Variants in RO60 observed in about 807,000 individuals in gnomAD.
RO60 encodes the protein Ro60, Y RNA binding protein, also known as RNA-binding protein RO60.
RO60 carries 20 observed loss-of-function variants against 55.3 expected under a neutral mutation model. The ratio of observed to expected loss-of-function variants is 0.36; its 90% CI spans 0.25 to 0.53. The LOEUF (loss-of-function observed/expected upper bound fraction) is 0.53. Ranked by LOEUF, RO60 falls within the 20% of genes least tolerant of loss-of-function variation. The pLI is 0.92. For synonymous variants in RO60, 213 were observed against 213.6 expected (o/e 1.00, Z 0.02); for missense variants, 558 against 646.6 (o/e 0.86, Z 1.49).
At chr1:193,071,524 TTACAAAAATAC>T (rs1266351835) in intron 2 of RO60, among the ~76,000 whole-genome samples, 3 of 152,106 alleles carry the variant, frequency 2.0e-5, no homozygotes, top group African/African-American at 7.2e-5. Context: ...TTTTATACTG[TTACAAAAATAC>T]TACAATGAAA....
chr1:193,081,424 CAA>C lies in RO60; in HGVS notation c.1149_1150del (p.Arg384SerfsTer4). On this transcript the variant is annotated frameshift_variant, in exon 6 of 9. Transcript: ENST00000400968. LOFTEE classifies it high-confidence loss of function. ...LAVDVSASMN[Q>X]RVLGSILNAS... ...TGTTGATGTCAGTGCTTCTATGAAC[CAA>C]AGAGTTTTGGGTAGTATACTCAACG... The C allele has an allele frequency of 6.2e-7, 1 of 1,610,820 alleles. No homozygotes were observed. The highest frequency in any genetic ancestry group is 8.5e-7 in the Non-Finnish European group (1 of 1,178,040).
In RO60 at chr1:193,059,632, C is replaced by A. The variant is rs1432451785; in HGVS notation, c.-166C>A. The A allele has an allele frequency of 2.1e-6, 3 of 1,401,426 alleles. No individual in the cohort carries two copies. In the South Asian group the frequency reaches 3.4e-5, roughly 16 times the overall value. 86.8% of individuals were successfully genotyped at this position (1,401,426 alleles called of 1,614,324 possible). A position where few individuals can be genotyped will look rare whatever the true frequency, so the allele number is the denominator to read the frequency against. On this transcript the variant is annotated 5_prime_UTR_variant, in exon 1 of 9. Transcript: ENST00000400968. The surrounding 1 kb of genome is among the most constrained non-coding windows in gnomAD (Gnocchi z 4.9). Reference sequence around the variant, plus strand: ...GCAGGACTCGTTCCCGGGAACCGAACCTGGAATCCCCGGCGGCAGTGGGGC... The same window carrying A: ...GCAGGACTCGTTCCCGGGAACCGAAACTGGAATCCCCGGCGGCAGTGGGGC...
chr1:193,065,883 A>G (rs12131585), intron 1 of RO60, among the ~76,000 whole-genome samples: 3,924 of 152,210 alleles, frequency 0.026, 89 homozygotes, highest in Middle Eastern at 0.037. Context: ...TCCGAACACA[A>G]TTCAGATCAC....
chr1:193,063,432 TA>T (rs1672914335), intron 1 of RO60, among the ~76,000 whole-genome samples: 1 of 152,254 alleles, frequency 6.6e-6, no homozygotes, highest in African/African-American at 2.4e-5. Flanking sequence ...TATTAAGTTG[TA>T]AGTGTTCTTA....
rs1572109238 is a variant in RO60 at position 193,084,876 on chromosome 1, AAAG to A, written c.*149_*151del. On this transcript the variant is annotated 3_prime_UTR_variant, in exon 9 of 9. Coordinates refer to ENST00000400968, the MANE Select transcript of RO60 (RefSeq NM_001173524.2). ...GAAAGTTACCTTACTGAAAAAAAAA[AAAG>A]AAGGAAAAATAAGATGGGCCCAAAG... 4 of 1,473,858 alleles carry A rather than the reference AAAG, an allele frequency of 2.7e-6. No homozygotes were observed. The highest frequency in any genetic ancestry group is 3.6e-6 in the Non-Finnish European group (4 of 1,117,464). The allele number at this position is 1,473,858 out of a possible 1,614,324, so 91.3% of individuals were successfully genotyped here.
intron 1 of RO60, among the ~76,000 whole-genome samples, chr1:193,067,146 T>C (rs988904752): frequency 2.0e-5 from 3 of 152,002 alleles, no homozygotes; most frequent in African/African-American, 7.2e-5. Flanking sequence ...TGAGTGTGAT[T>C]TTCCTGTGAT....
At position 193,075,804 on chromosome 1, in the gene RO60, CTTT is replaced by C; in HGVS notation, c.581-15_581-13del. 6.4e-7 allele frequency: 1 copy of C among 1,563,896 alleles called. No individual in the cohort carries two copies. The stretch of plus-strand genomic sequence containing the variant: ...GGTAATCCTGCATGCTTTTTCAATT[CTTT>C]ATCTTGTTAAAGGACTTGCAATTGT... On this transcript the variant is annotated splice_polypyrimidine_tract_variant and intron_variant, in intron 2 of 8. Coordinates refer to ENST00000400968, the MANE Select transcript of RO60 (RefSeq NM_001173524.2).
chr1:193,086,640 A>G lies in RO60; in HGVS notation c.*1909A>G, dbSNP rs947778953. ...TATTCCTAATAGAAATGTTAAATAG[A>G]ATATAGTACAAAAGTGCATTACCTT... On this transcript the variant is annotated 3_prime_UTR_variant, in exon 9 of 9. Coordinates refer to ENST00000400968, the MANE Select transcript of RO60 (RefSeq NM_001173524.2). 2 of 148,350 alleles carry G rather than the reference A, an allele frequency of 1.3e-5. No homozygotes were observed. The highest frequency in any genetic ancestry group is 5.0e-5 in the African/African-American group (2 of 40,398). The allele number at this position is 148,350 out of a possible 1,614,324, so 9.2% of individuals were successfully genotyped here.
At chr1:193,064,279 G>C (rs558072281) in intron 1 of RO60, among the ~76,000 whole-genome samples, 2 of 152,316 alleles carry the variant, frequency 1.3e-5, no homozygotes, top group Admixed American at 1.3e-4. Flanking sequence ...GGCCTGACCA[G>C]TTTATTCCTC....
rs1253944427 is a variant in RO60, at chr1:193,059,615, C to T, written c.-183C>T. 3.5e-6 allele frequency: 5 copies of T among 1,426,610 alleles called. No individual in the cohort carries two copies. Among genetic ancestry groups the T allele is most frequent in the Non-Finnish European group, 4.7e-6 (5 of 1,062,672 alleles). The allele number at this position is 1,426,610 out of a possible 1,614,324, so 88.4% of individuals were successfully genotyped here. A position where few individuals can be genotyped will look rare whatever the true frequency, so the allele number is the denominator to read the frequency against. On this transcript the variant is annotated 5_prime_UTR_variant, in exon 1 of 9. Coordinates refer to ENST00000400968, the MANE Select transcript of RO60 (RefSeq NM_001173524.2). The surrounding 1 kb of genome is among the most constrained non-coding windows in gnomAD (Gnocchi z 4.9). ...GGGGCAAAAGAAGAGGGGCAGGACT[C>T]GTTCCCGGGAACCGAACCTGGAATC...
intron 5 of RO60, among the ~76,000 whole-genome samples, chr1:193,079,070 TGTTCA>T (rs1674116436): frequency 6.7e-6 from 1 of 149,866 alleles, no homozygotes; most frequent in African/African-American, 2.4e-5. Flanking sequence ...CTTGCATATA[TGTTCA>T]GTTGACTTTT....
intron 5 of RO60, 38 bp from the exon 6 acceptor site, chr1:193,081,324 TTC>T (rs1674298504): frequency 1.7e-6 from 2 of 1,181,604 alleles, no homozygotes; most frequent in Non-Finnish European, 2.5e-6. Flanking sequence ...TACTTATAAT[TTC>T]TGTTATGCTT....
intron 1 of RO60, among the ~76,000 whole-genome samples, chr1:193,062,717 A>G (rs1387161143): frequency 6.6e-6 from 1 of 152,106 alleles, no homozygotes; most frequent in African/African-American, 2.4e-5. Flanking sequence ...ACCTTAGACT[A>G]ATGTACTTTT....
intron 1 of RO60, among the ~76,000 whole-genome samples, chr1:193,063,578 T>C (rs1468007220): frequency 1.3e-5 from 2 of 152,228 alleles, no homozygotes; most frequent in Non-Finnish European, 2.9e-5. Flanking sequence ...CCAGTTTATT[T>C]TTTTATTTTG....
chr1:193,078,383 A>T (rs1011738294), intron 5 of RO60, among the ~76,000 whole-genome samples: 1 of 152,234 alleles, frequency 6.6e-6, no homozygotes, highest in Admixed American at 6.5e-5. Flanking sequence ...TTTCCACTTT[A>T]ATTCCACATA....
chr1:193,080,767 G>T (rs1674252235), intron 5 of RO60, among the ~76,000 whole-genome samples: 1 of 152,142 alleles, frequency 6.6e-6, no homozygotes, highest in Non-Finnish European at 1.5e-5. Flanking sequence ...GACAAACAAG[G>T]ACAAGTATTG....
chr1:193,061,916 G>A lies in RO60; in HGVS notation c.-22+2140G>A, dbSNP rs373754639. On this transcript the variant is annotated intron_variant, in intron 1 of 8. Transcript: ENST00000400968. The stretch of plus-strand genomic sequence containing the variant: ...GGAGAATCGCTTGAACTCGGAGGGC[G>A]GAGGTTACAGTGAGTGGAGATCGCG... Among the ~76,000 whole-genome samples the A allele has an allele frequency of 1.5e-3, 226 of 151,938 alleles. 1 individual carries two copies. In the Middle Eastern group the frequency reaches 0.058, roughly 39 times the overall value.
At chr1:193,078,884 C>A (rs1483950435) in intron 5 of RO60, among the ~76,000 whole-genome samples, 1 of 151,410 alleles carries the variant, frequency 6.6e-6, no homozygotes, top group Non-Finnish European at 1.5e-5. Context: ...TTCTAAAATT[C>A]CTAAGAAATT....
Position 193,087,895 on chromosome 1 carries a change from A to G in RO60, c.*3164A>G, listed in dbSNP as rs1200278857. 6.6e-6 allele frequency: 1 copy of G among 152,192 alleles called. No individual in the cohort carries two copies. The highest frequency in any genetic ancestry group is 1.5e-5 in the Non-Finnish European group (1 of 68,022). The allele number at this position is 152,192 out of a possible 1,614,324, so 9.4% of individuals were successfully genotyped here. ...AGAAAAATTTAGAAGAAAAATTTTC[A>G]CAGCTAAAGTATTACCCAAAAAGTC... On this transcript the variant is annotated 3_prime_UTR_variant, in exon 9 of 9. Coordinates refer to ENST00000400968, the MANE Select transcript of RO60 (RefSeq NM_001173524.2).
Sources: gnomAD v4.1 joint callset for allele counts (sites outside exome capture counted in the v4.1 genomes callset) on GRCh38, gnomAD v4.1.1 for gene constraint, Gnocchi (gnomAD v3.1) non-coding constraint, MANE v1.5 for transcripts, NCBI Gene and HGNC (gene_info 2026-07-23, HGNC 2026-07-21) for gene names.